EPHB1: variants seen among roughly 807,000 people sequenced by gnomAD.
EPHB1 encodes the protein EPH receptor B1, also known as ephrin type-B receptor 1.
EPHB1 carries 30 observed loss-of-function variants against 94.4 expected under a neutral mutation model. The ratio of observed to expected loss-of-function variants is 0.32; its 90% CI spans 0.24 to 0.43. EPHB1 has a LOEUF of 0.43. EPHB1 is among the 20% of genes least tolerant of loss of function. The pLI is 1.00. For synonymous variants in EPHB1, 522 were observed against 489.1 expected (o/e 1.07, Z -0.89); for missense variants, 1,055 against 1,308.3 (o/e 0.81, Z 2.99).
At chr3:135,037,243 C>CT (rs1936675782) in intron 3 of EPHB1, among the ~76,000 whole-genome samples, 1 of 152,156 alleles carries the variant, frequency 6.6e-6, no homozygotes, top group Non-Finnish European at 1.5e-5. Flanking sequence ...AAAGTCTGTT[C>CT]TTTGTTTCAA....
chr3:135,036,148 G>A (rs1409096390), intron 3 of EPHB1, among the ~76,000 whole-genome samples: 1 of 152,176 alleles, frequency 6.6e-6, no homozygotes, highest in Non-Finnish European at 1.5e-5. Context: ...CTGACCCCAG[G>A]AGCCTATGGT....
At chr3:135,154,896 T>C (rs1402258762) in intron 6 of EPHB1, among the ~76,000 whole-genome samples, 1 of 152,238 alleles carries the variant, frequency 6.6e-6, no homozygotes, top group African/African-American at 2.4e-5. Flanking sequence ...AGCTGGTCCC[T>C]GGCCTCCCTC....
intron 1 of EPHB1, among the ~76,000 whole-genome samples, chr3:134,846,611 C>T (rs541598851): frequency 1.3e-5 from 2 of 152,304 alleles, no homozygotes; most frequent in South Asian, 2.1e-4. Context: ...TCAAAATCTG[C>T]TCCTGCCTGA....
chr3:135,129,422 A>G (rs576748971), intron 4 of EPHB1, among the ~76,000 whole-genome samples: 4 of 152,192 alleles, frequency 2.6e-5, no homozygotes, highest in African/African-American at 9.6e-5. Context: ...GTCATCACTG[A>G]TTACTGCTGC....
intron 3 of EPHB1, among the ~76,000 whole-genome samples, chr3:134,992,712 C>G (rs185424161): frequency 5.7e-4 from 86 of 152,162 alleles, no homozygotes; most frequent in African/African-American, 2.0e-3. Context: ...AGACGGGGAG[C>G]CTTGTTGTCT....
chr3:135,080,312 G>A (rs1938120490), intron 3 of EPHB1, among the ~76,000 whole-genome samples: 1 of 152,194 alleles, frequency 6.6e-6, no homozygotes, highest in Admixed American at 6.5e-5. Flanking sequence ...ATTTCAGAAG[G>A]GAAAAAGTAG....
intron 2 of EPHB1, among the ~76,000 whole-genome samples, chr3:134,937,507 C>T (rs1206750737): frequency 6.6e-6 from 1 of 152,256 alleles, no homozygotes; most frequent in East Asian, 1.9e-4. Flanking sequence ...CTGGCCCCAG[C>T]CAGCATGGCT....
intron 1 of EPHB1, among the ~76,000 whole-genome samples, chr3:134,799,224 A>G (rs374602563): frequency 1.3e-5 from 2 of 152,292 alleles, no homozygotes; most frequent in South Asian, 4.1e-4. Flanking sequence ...GGAAAACCCC[A>G]AACTAAGCCC....
intron 1 of EPHB1, among the ~76,000 whole-genome samples, chr3:134,821,551 G>T (rs1396628453): frequency 6.6e-6 from 1 of 152,016 alleles, no homozygotes; most frequent in Non-Finnish European, 1.5e-5. Context: ...AATTAGTGGT[G>T]AAAAAAGGAT....
At chr3:134,964,927 A>G (rs187947482) in intron 3 of EPHB1, among the ~76,000 whole-genome samples, 136 of 152,316 alleles carry the variant, frequency 8.9e-4, no homozygotes, top group African/African-American at 3.1e-3. Context: ...GCGAATTGCA[A>G]TTTTAAAAAT....
chr3:135,019,763 T>C (rs1216799571), intron 3 of EPHB1, among the ~76,000 whole-genome samples: 4 of 152,258 alleles, frequency 2.6e-5, no homozygotes, highest in Non-Finnish European at 5.9e-5. Flanking sequence ...TGATCCATAA[T>C]TTATTTAACC....
At chr3:135,242,053 A>G (rs760567415) in intron 13 of EPHB1, among the ~76,000 whole-genome samples, 8 of 152,190 alleles carry the variant, frequency 5.3e-5, no homozygotes, top group East Asian at 1.9e-4. Context: ...TTTGCTCCAT[A>G]CTTACTAAAA....
At chr3:135,257,218 G>A (rs1344422785) in intron 15 of EPHB1, among the ~76,000 whole-genome samples, 19 of 152,226 alleles carry the variant, frequency 1.2e-4, no homozygotes, top group African/African-American at 3.6e-4. Flanking sequence ...CTCTCAACTC[G>A]TCAAAGTCAT....
chr3:135,048,028 G>A (rs192318564), intron 3 of EPHB1, among the ~76,000 whole-genome samples: 42 of 152,132 alleles, frequency 2.8e-4, no homozygotes, highest in African/African-American at 8.9e-4. Flanking sequence ...AGCAGATATT[G>A]ACCACACTGG....
rs530655304 is a variant in EPHB1, at chr3:134,884,288, A to G, written c.59-41528A>G. Among the ~76,000 whole-genome samples, 241 of 152,322 alleles carry G rather than the reference A, an allele frequency of 1.6e-3. 2 individuals are homozygous for G. Among genetic ancestry groups the G allele is most frequent in the Non-Finnish European group, 1.6e-3 (106 of 68,034 alleles). ...TGGTGTGGAGAGGCCGGGAATTTGA[A>G]TGCTTCTTGTTGGGTAATGTACTGC... On this transcript the variant is annotated intron_variant, in intron 1 of 15. Coordinates refer to ENST00000398015, the MANE Select transcript of EPHB1 (RefSeq NM_004441.5).
chr3:134,982,431 C>G (rs1005384708), intron 3 of EPHB1, among the ~76,000 whole-genome samples: 4 of 152,156 alleles, frequency 2.6e-5, no homozygotes, highest in African/African-American at 9.7e-5. Context: ...CAAATCTTGC[C>G]AGTGAGGTGG....
intron 1 of EPHB1, among the ~76,000 whole-genome samples, chr3:134,886,595 A>C (rs2037867288): frequency 6.6e-6 from 1 of 152,234 alleles, no homozygotes; most frequent in South Asian, 2.1e-4. Context: ...CTTCCTGTAA[A>C]TAATAATTTT....
chr3:134,944,906 T>G (rs935900323), intron 2 of EPHB1, among the ~76,000 whole-genome samples: 2 of 152,250 alleles, frequency 1.3e-5, no homozygotes, highest in African/African-American at 2.4e-5. Context: ...AATTCTTATC[T>G]CCTATGTCCT....
At chr3:135,104,732 G>A (rs755223692) in intron 3 of EPHB1, among the ~76,000 whole-genome samples, 10 of 152,268 alleles carry the variant, frequency 6.6e-5, no homozygotes, top group South Asian at 2.1e-4. Flanking sequence ...TCCAAAGAAC[G>A]TGGATCCCAT....
Sources: allele counts gnomAD v4.1 joint callset (sites outside exome capture counted in the v4.1 genomes callset), GRCh38; gene constraint gnomAD v4.1.1; transcripts MANE v1.5; gene names NCBI Gene and HGNC (gene_info 2026-07-23, HGNC 2026-07-21).